The following CSMD1 variants were observed in gnomAD, a reference collection of about 807,000 sequenced individuals.
The protein encoded by CSMD1 is CUB and Sushi multiple domains 1, also known as CUB and sushi domain-containing protein 1.
CSMD1 carries 213 observed loss-of-function variants against 417.5 expected under a neutral mutation model. The observed-to-expected ratio is 0.51, with a 90% CI of 0.46 to 0.57. CSMD1 has a LOEUF of 0.57. Ranked by LOEUF, CSMD1 falls within the 20% of genes least tolerant of loss-of-function variation. CSMD1 has a pLI of 0.00. For synonymous variants in CSMD1, 2,862 were observed against 1,736.8 expected, an observed-to-expected ratio of 1.65 and a Z score of -16.11; for missense variants, 6,923 against 4,529.7, an observed-to-expected ratio of 1.53 and a Z score of -15.17.
intron 12 of CSMD1, among the ~76,000 whole-genome samples, chr8:3,451,229 G>A (rs769749326): frequency 1.7e-4 from 26 of 152,176 alleles, no homozygotes; most frequent in Non-Finnish European, 3.5e-4. Flanking sequence ...TTTGTCAGAT[G>A]AGTACATTGC....
intron 12 of CSMD1, among the ~76,000 whole-genome samples, chr8:3,430,370 C>G (rs759319494): frequency 1.3e-4 from 19 of 151,944 alleles, no homozygotes; most frequent in Admixed American, 2.6e-4. Context: ...TTATAAACAC[C>G]ATGAGAGTGG....
chr8:4,464,949 G>T (rs1459902739), intron 2 of CSMD1, among the ~76,000 whole-genome samples: 1 of 152,088 alleles, frequency 6.6e-6, no homozygotes, highest in African/African-American at 2.4e-5. Context: ...AACCAGATGT[G>T]CTTCCTCCCA....
intron 2 of CSMD1, among the ~76,000 whole-genome samples, chr8:4,469,574 G>A (rs1017658290): frequency 6.6e-6 from 1 of 152,098 alleles, no homozygotes; most frequent in Non-Finnish European, 1.5e-5. Context: ...TCAGTAGCTT[G>A]TGCAAACACC....
intron 9 of CSMD1, among the ~76,000 whole-genome samples, chr8:3,580,598 T>C (rs1378252605): frequency 1.3e-5 from 2 of 152,002 alleles, no homozygotes; most frequent in African/African-American, 4.8e-5. Context: ...AGGAGAAAAA[T>C]ATATTTTCTC....
Position 3,118,494 on chromosome 8 carries a change from T to G in CSMD1, c.6335A>C (p.Glu2112Ala). Reference sequence around the variant, plus strand: ...TATTAGAATGTACCCAGGATAACACTCGAAAGATACTGATTGCCCCACGCT... The same window carrying G: ...TATTAGAATGTACCCAGGATAACACGCGAAAGATACTGATTGCCCCACGCT... ...DYSVGQSVSF[E>A]CYPGYILIGH... Residue 2112 changes from glutamate (E) to alanine (A), a missense_variant, in exon 42 of 70, where the codon GAG becomes GCG. Glu to Ala is a moderately radical substitution (Grantham distance 107). Coordinates refer to ENST00000635120, the MANE Select transcript of CSMD1 (RefSeq NM_033225.6). 1 of 1,613,878 alleles carries G rather than the reference T, an allele frequency of 6.2e-7. No individual in the cohort carries two copies. The highest frequency in any genetic ancestry group is 8.5e-7 in the Non-Finnish European group (1 of 1,179,816).
intron 5 of CSMD1, among the ~76,000 whole-genome samples, chr8:3,945,484 C>A (rs1327121723): frequency 6.6e-6 from 1 of 152,056 alleles, no homozygotes; most frequent in Non-Finnish European, 1.5e-5. Flanking sequence ...TACTCTTCAA[C>A]TGTGAACTTC....
chr8:3,101,984 T>C (rs988354582), intron 46 of CSMD1, among the ~76,000 whole-genome samples: 1 of 151,992 alleles, frequency 6.6e-6, no homozygotes, highest in African/African-American at 2.4e-5. Context: ...GTATTTTTAG[T>C]AGAGACAGCG....
intron 1 of CSMD1, among the ~76,000 whole-genome samples, chr8:4,810,654 T>A (rs539269396): frequency 1.3e-5 from 2 of 150,896 alleles, no homozygotes; most frequent in South Asian, 4.1e-4. Context: ...TTGTATTACA[T>A]AGAAAATTTC....
chr8:3,652,617 A>G (rs1229737492), intron 7 of CSMD1, among the ~76,000 whole-genome samples: 2 of 152,186 alleles, frequency 1.3e-5, no homozygotes, highest in Admixed American at 6.5e-5. Flanking sequence ...AGCTCGCGCA[A>G]GGGAGCTCCC....
chr8:4,616,849 G>C (rs933817540), intron 2 of CSMD1, among the ~76,000 whole-genome samples: 12 of 152,054 alleles, frequency 7.9e-5, no homozygotes, highest in East Asian at 1.9e-4. Flanking sequence ...CTTATTCATT[G>C]GTTTTTGCTG....
In CSMD1 at chr8:3,754,039, T is replaced by G. The variant is rs760541543; in HGVS notation, c.822A>C (p.Leu274=). Residue 274 remains leucine (L), a synonymous_variant, in exon 6 of 70, where the codon CTA becomes CTC. Transcript: ENST00000635120. The part of the protein sequence containing the change: ...ISGTEAPSIW[L]TGMNLPSPVI... Reference sequence around the variant, plus strand: ...CTGGAGAGGGGAGGTTCATGCCAGTTAGCCTAGAGAAGAGAAAGAGGAAAA... The same window carrying G: ...CTGGAGAGGGGAGGTTCATGCCAGTGAGCCTAGAGAAGAGAAAGAGGAAAA... The G allele has an allele frequency of 3.1e-6, 5 of 1,610,266 alleles. No individual in the cohort carries two copies. Among genetic ancestry groups the G allele is most frequent in the Admixed American group, 3.3e-5 (2 of 59,950 alleles).
chr8:4,641,265 A>T (rs184107945), intron 1 of CSMD1, among the ~76,000 whole-genome samples: 134 of 152,160 alleles, frequency 8.8e-4, no homozygotes, highest in African/African-American at 3.0e-3. Flanking sequence ...AGGCAACTGG[A>T]ATCTAAATCA....
rs1431087239 is a variant in CSMD1, at chr8:3,052,445, T to A, written c.7660+17A>T. ...ACCTAAACCCACAAAGATGGGCAGA[T>A]GCCCCTGAACACTTACGCTTACACG... On this transcript the variant is annotated intron_variant, in intron 50 of 69. Coordinates refer to ENST00000635120, the MANE Select transcript of CSMD1 (RefSeq NM_033225.6). 2 of 1,550,592 alleles carry A rather than the reference T, an allele frequency of 1.3e-6. No individual in the cohort carries two copies. The highest frequency in any genetic ancestry group is 1.4e-5 in the African/African-American group (1 of 73,262).
At chr8:4,392,753 A>AG (rs1431726268) in intron 3 of CSMD1, among the ~76,000 whole-genome samples, 6 of 151,472 alleles carry the variant, frequency 4.0e-5, no homozygotes, top group Non-Finnish European at 8.8e-5. Flanking sequence ...GCGGATCACG[A>AG]GGTCAAGAGA....
chr8:4,729,595 AC>A (rs780529497), intron 1 of CSMD1, among the ~76,000 whole-genome samples: 6 of 152,214 alleles, frequency 3.9e-5, no homozygotes, highest in Non-Finnish European at 8.8e-5. Context: ...ATATAAAAAA[AC>A]AAAAGACGTT....
At chr8:4,206,598 G>C (rs1016094135) in intron 3 of CSMD1, among the ~76,000 whole-genome samples, 1 of 152,140 alleles carries the variant, frequency 6.6e-6, no homozygotes, top group African/African-American at 2.4e-5. Context: ...ATGGACATCT[G>C]GGTTGGTTCC....
At chr8:4,239,769 A>T (rs1802282167) in intron 3 of CSMD1, among the ~76,000 whole-genome samples, 2 of 152,200 alleles carry the variant, frequency 1.3e-5, no homozygotes, top group Non-Finnish European at 2.9e-5. Flanking sequence ...ACAATGGTCT[A>T]TCTTTCACGT....
intron 5 of CSMD1, among the ~76,000 whole-genome samples, chr8:3,910,918 G>A (rs1348599724): frequency 2.0e-5 from 3 of 152,172 alleles, no homozygotes; most frequent in Non-Finnish European, 4.4e-5. Context: ...TATCTACACA[G>A]AACTGTTATT....
intron 18 of CSMD1, among the ~76,000 whole-genome samples, chr8:3,379,703 A>G (rs1186091829): frequency 6.6e-6 from 1 of 152,230 alleles, no homozygotes; most frequent in East Asian, 1.9e-4. Context: ...ATATGCAGAA[A>G]ACTGAAACTG....
Sources: gnomAD v4.1 joint callset for allele counts (sites outside exome capture counted in the v4.1 genomes callset) on GRCh38, gnomAD v4.1.1 for gene constraint, MANE v1.5 for transcripts, NCBI Gene and HGNC (gene_info 2026-07-23, HGNC 2026-07-21) for gene names.